ASB10: variants seen among roughly 807,000 people sequenced by gnomAD.
ASB10 encodes the protein ankyrin repeat and SOCS box protein 10.
ASB10 carries 44 observed loss-of-function variants against 35.4 expected under a neutral mutation model. The ratio of observed to expected loss-of-function variants is 1.24; its 90% confidence interval spans 0.98 to 1.60. ASB10 has a LOEUF of 1.60. Ranked by LOEUF, ASB10 falls within the 40% of genes most tolerant of loss-of-function variation. The pLI, the probability that ASB10 is intolerant of heterozygous loss-of-function variation, is 0.00. For missense variants in ASB10, 647 were observed against 634.3 expected, an observed-to-expected ratio of 1.02 and a Z score of -0.22; for synonymous variants, 294 against 280.4, an observed-to-expected ratio of 1.05 and a Z score of -0.49.
At chr7:151,185,348 G>T (rs545062938) in intron 2 of ASB10, among the ~76,000 whole-genome samples, 49 of 152,070 alleles carry the variant, frequency 3.2e-4, no homozygotes, top group African/African-American at 1.2e-3. Context: ...CGAACTCCTG[G>T]CCTCAAGCAA....
In ASB10 at chr7:151,181,413, C is replaced by G. The variant is rs779255507; in HGVS notation, c.630G>C (p.Arg210=). Residue 210 remains arginine, a synonymous_variant, in exon 3 of 6, where the codon CGG becomes CGC. Coordinates refer to ENST00000420175, the MANE Select transcript of ASB10 (RefSeq NM_001142459.2). ...LLRFGARVDG[R]SEEEEETPLH... is the part of the protein sequence containing the mutation. ...AAGGGGTCTCCTCTTCTTCCTCGGACCGACCATCCACTCTCGCTCCAAACC... is the reference window on the plus strand; with the variant it reads ...AAGGGGTCTCCTCTTCTTCCTCGGAGCGACCATCCACTCTCGCTCCAAACC... 5 of 1,609,628 alleles carry G rather than the reference C, an allele frequency of 3.1e-6. No homozygotes were observed. Among genetic ancestry groups the G allele is most frequent in the Non-Finnish European group, 2.5e-6 (3 of 1,177,726 alleles).
At chr7:151,185,074 T>C (rs899860791) in intron 2 of ASB10, among the ~76,000 whole-genome samples, 3 of 151,748 alleles carry the variant, frequency 2.0e-5, no homozygotes, top group Non-Finnish European at 4.4e-5. Flanking sequence ...TTCATGTATA[T>C]TTTACCACCA....
At chr7:151,181,655 C>G (rs1187762357) in intron 2 of ASB10, among the ~76,000 whole-genome samples, 197 bp from the exon 3 acceptor site, 1 of 151,254 alleles carries the variant, frequency 6.6e-6, no homozygotes, top group African/African-American at 2.4e-5. Flanking sequence ...TTCTACCACC[C>G]AGGCGGAAGT....
chr7:151,187,519 C>CG, upstream of ASB10: 3 of 1,551,412 alleles, frequency 1.9e-6, no homozygotes, highest in East Asian at 2.4e-5. The surrounding 1 kb of genome is among the most constrained non-coding windows in gnomAD (Gnocchi z 5.3). Flanking sequence ...CTGTGCTGTG[C>CG]GGGGGGAACA....
rs140602973 is a variant in ASB10 at position 151,181,228 on chromosome 7, C to T, written c.815G>A (p.Arg272His). The T allele has an allele frequency of 2.2e-4, 347 of 1,612,814 alleles. 1 individual carries two copies. Among genetic ancestry groups the T allele is most frequent in the Admixed American group, 2.2e-4 (13 of 59,986 alleles). ...SITDAEATTA[R>H]CLQLCSLLLS... ...CAGCAAGCTGCACAGCTGCAGGCAG[C>T]GGGCGGTGGTGGCCTCGGCATCGGT... The change falls in exon 3 of 6, where the codon CGC (arginine) becomes CAC (histidine). Residue 272 changes from arginine to histidine, a missense_variant. Coordinates refer to ENST00000420175, the MANE Select transcript of ASB10 (RefSeq NM_001142459.2).
In ASB10 at chr7:151,184,240, C is replaced by T. The variant is rs1463715342; in HGVS notation, c.584+2152G>A. ...CATCCTGGCTAACACGGTGAAACCC[C>T]GTCTCTACTAAAAAATACAAAAAGT... On this transcript the variant is annotated intron_variant, in intron 2 of 5. Transcript: ENST00000420175. Among the ~76,000 whole-genome samples, 4 of 151,834 alleles carry T rather than the reference C, an allele frequency of 2.6e-5. No homozygotes were observed. In the East Asian group the frequency reaches 7.9e-4, roughly 30 times the overall value.
intron 4 of ASB10, 56 bp from the exon 5 acceptor site, chr7:151,176,353 T>A (rs1255635575): frequency 2.7e-6 from 4 of 1,508,744 alleles, no homozygotes; most frequent in Non-Finnish European, 2.7e-6. Flanking sequence ...TAGCACCGGC[T>A]CCTCCTCACA....
Position 151,187,247 on chromosome 7 carries a change from G to A in ASB10, c.-117C>T. 6.6e-7 allele frequency: 1 copy of A among 1,522,384 alleles called. No individual in the cohort carries two copies. The highest frequency in any genetic ancestry group is 1.7e-4 in the Middle Eastern group (1 of 5,844). 94.3% of individuals were successfully genotyped at this position (1,522,384 alleles called of 1,614,324 possible). A position where few individuals can be genotyped will look rare whatever the true frequency, so the allele number is the denominator to read the frequency against. On this transcript the variant is annotated 5_prime_UTR_variant, in exon 1 of 6. Transcript: ENST00000420175. This position sits in a 1 kb window ranked among gnomAD's most constrained non-coding sequence, Gnocchi z 5.3. ...AAGGCCCCTGTGTCCCACGCTCCGA[G>A]GCTGACCTGGCCACGCATCCAGCAG...
chr7:151,180,269 C>T (rs564739857), intron 3 of ASB10, among the ~76,000 whole-genome samples: 2 of 152,332 alleles, frequency 1.3e-5, no homozygotes, highest in South Asian at 4.1e-4. Context: ...CAAGTTGAAC[C>T]TACTTAGGGG....
intron 3 of ASB10, among the ~76,000 whole-genome samples, chr7:151,179,197 C>G (rs1271956180): frequency 1.3e-5 from 2 of 152,224 alleles, no homozygotes; most frequent in Non-Finnish European, 2.9e-5. Flanking sequence ...CTCACAGTAA[C>G]CCTATGAAGA....
At chr7:151,187,415 G>C, upstream of ASB10, 1 of 1,550,680 alleles carries the variant, frequency 6.4e-7, no homozygotes, top group South Asian at 1.2e-5. This position sits in a 1 kb window ranked among gnomAD's most constrained non-coding sequence, Gnocchi z 5.3. Context: ...AGTCAGCCCA[G>C]CCCCCTGGTT....
At chr7:151,177,874 C>T (rs976662277) in intron 3 of ASB10, among the ~76,000 whole-genome samples, 2 of 152,192 alleles carry the variant, frequency 1.3e-5, no homozygotes, top group Admixed American at 6.5e-5. Flanking sequence ...ATAAAGTCCT[C>T]GTCATCCAAG....
At chr7:151,185,599 C>T (rs528505543) in intron 2 of ASB10, among the ~76,000 whole-genome samples, 2 of 152,170 alleles carry the variant, frequency 1.3e-5, no homozygotes, top group South Asian at 4.1e-4. Flanking sequence ...AAAGGAGAAC[C>T]CCAGGGTCAA....
Position 151,181,061 on chromosome 7 carries a change from G to A in ASB10, c.982C>T (p.His328Tyr). The change falls in exon 3 of 6, where the codon CAC (histidine) becomes TAC (tyrosine). Residue 328 changes from histidine to tyrosine, a missense_variant. His to Tyr is a moderately conservative substitution (Grantham distance 83). Coordinates refer to ENST00000420175, the MANE Select transcript of ASB10 (RefSeq NM_001142459.2). ...VSANTMDYGGHTPLHCALQGP... is the reference protein window; with the variant it reads ...VSANTMDYGGYTPLHCALQGP... ...TGCAGAGCACAGTGCAGGGGCGTGT[G>A]TCCCCCATAGTCCATGGTGTTGGCG... 1.2e-6 allele frequency: 2 copies of A among 1,612,496 alleles called. No homozygotes were observed. Among genetic ancestry groups the A allele is most frequent in the South Asian group, 1.1e-5 (1 of 91,076 alleles).
rs751634616 is a variant in ASB10, at chr7:151,187,170, T to A, written c.-40A>T. ...GGGAGTGGGGAGGAGGAGAGGTATA[T>A]GCCAAAGGCAGAGAGAGAGAGAGAG... On this transcript the variant is annotated 5_prime_UTR_variant, in exon 1 of 6. Coordinates refer to ENST00000420175, the MANE Select transcript of ASB10 (RefSeq NM_001142459.2). The surrounding 1 kb of genome is among the most constrained non-coding windows in gnomAD (Gnocchi z 5.3). 6.4e-7 allele frequency: 1 copy of A among 1,552,114 alleles called. No homozygotes were observed. Among genetic ancestry groups the A allele is most frequent in the East Asian group, 2.4e-5 (1 of 41,696 alleles).
At chr7:151,176,330 A>C (rs953477994) in intron 4 of ASB10, 33 bp from the exon 5 acceptor site, 2 of 1,520,408 alleles carry the variant, frequency 1.3e-6, no homozygotes, top group Non-Finnish European at 8.8e-7. Flanking sequence ...AGTGAGAGGC[A>C]GCCTCAGACA....
At chr7:151,176,035 TC>T (rs1485553224) in intron 5 of ASB10, 69 bp from the exon 6 acceptor site, 4 of 1,526,120 alleles carry the variant, frequency 2.6e-6, no homozygotes, top group Non-Finnish European at 3.6e-6. Context: ...GCTAGGGCCC[TC>T]CCCAACCCTT....
chr7:151,180,255 T>C (rs1801460754), intron 3 of ASB10, among the ~76,000 whole-genome samples: 1 of 152,198 alleles, frequency 6.6e-6, no homozygotes, highest in Admixed American at 6.5e-5. Flanking sequence ...GTAGCACAGG[T>C]CTTCAAGTTG....
chr7:151,176,440 C>G, intron 4 of ASB10, 123 bp downstream of exon 4: 1 of 1,460,196 alleles, frequency 6.8e-7, no homozygotes, highest in Non-Finnish European at 9.1e-7. Flanking sequence ...GTTCACTCTG[C>G]AAGTTCTCTC....
Sources: gnomAD v4.1 joint callset for allele counts (sites outside exome capture counted in the v4.1 genomes callset) on GRCh38, gnomAD v4.1.1 for gene constraint, Gnocchi (gnomAD v3.1) non-coding constraint, MANE v1.5 for transcripts, NCBI Gene and HGNC (gene_info 2026-07-23, HGNC 2026-07-21) for gene names.